Variants in JARID2 observed in about 807,000 individuals in gnomAD.
The protein encoded by JARID2 is protein Jumonji.
JARID2 carries 21 observed loss-of-function variants against 125.6 expected under a neutral mutation model. The observed-to-expected ratio is 0.17, with a 90% confidence interval of 0.12 to 0.24. JARID2 has a LOEUF of 0.24. Ranked by LOEUF, JARID2 falls within the 10% of genes least tolerant of loss-of-function variation. The probability of loss-of-function intolerance (pLI) is 1.00; values close to 1 mark genes in which losing one functional copy is unlikely to be tolerated. For missense variants in JARID2, 1,303 were observed against 1,639.6 expected (o/e 0.79, Z 3.55); for synonymous variants, 736 against 661.6 (o/e 1.11, Z -1.73).
intron 1 of JARID2, among the ~76,000 whole-genome samples, chr6:15,344,411 A>T (rs1763177471): frequency 6.6e-6 from 1 of 152,028 alleles, no homozygotes; most frequent in Non-Finnish European, 1.5e-5. Context: ...TGAAAAATGG[A>T]ATTAAAAAAC....
intron 1 of JARID2, among the ~76,000 whole-genome samples, chr6:15,265,206 T>TAAGGAATGA (rs1760035308): frequency 6.6e-6 from 1 of 152,088 alleles, no homozygotes; most frequent in African/African-American, 2.4e-5. Context: ...TGAGACCAGT[T>TAAGGAATGA]GGTTGTCCTT....
intron 1 of JARID2, among the ~76,000 whole-genome samples, chr6:15,298,819 T>G (rs562602457): frequency 6.6e-6 from 1 of 152,174 alleles, no homozygotes; most frequent in African/African-American, 2.4e-5. Context: ...AACTTTCATA[T>G]TTTTACTCTC....
intron 2 of JARID2, among the ~76,000 whole-genome samples, chr6:15,378,832 A>C (rs964928520): frequency 6.6e-6 from 1 of 152,222 alleles, no homozygotes; most frequent in African/African-American, 2.4e-5. Flanking sequence ...CATAATATTT[A>C]AAAATAACAG....
At chr6:15,509,167 C>G (rs1298953119) in intron 12 of JARID2, 1 of 1,283,546 alleles carries the variant, frequency 7.8e-7, no homozygotes, top group Admixed American at 2.3e-5. Context: ...CGCCTGTAAT[C>G]CTGACTCTCA....
At chr6:15,372,123 A>G (rs1764193670) in intron 1 of JARID2, among the ~76,000 whole-genome samples, 1 of 152,212 alleles carries the variant, frequency 6.6e-6, no homozygotes, top group African/African-American at 2.4e-5. Flanking sequence ...GTTTGTATTT[A>G]TGCAGAGTAT....
intron 1 of JARID2, among the ~76,000 whole-genome samples, chr6:15,318,092 C>T (rs540253842): frequency 6.6e-6 from 1 of 152,194 alleles, no homozygotes; most frequent in Admixed American, 6.5e-5. Flanking sequence ...TGCCTGTAGT[C>T]CCAGCTACTG....
At chr6:15,477,503 GGT>G (rs1491166760) in intron 5 of JARID2, among the ~76,000 whole-genome samples, 779 of 74,026 alleles carry the variant, frequency 0.011, 5 homozygotes, top group Non-Finnish European at 0.014. Context: ...TGGGAGTGTT[GGT>G]TTTTTTTTTT....
chr6:15,405,109 T>A (rs1344730300), intron 2 of JARID2, among the ~76,000 whole-genome samples: 1 of 152,222 alleles, frequency 6.6e-6, no homozygotes, highest in Non-Finnish European at 1.5e-5. Context: ...AATTTGTGTT[T>A]CAATTTTCCC....
Position 15,516,389 on chromosome 6 carries a change from T to C in JARID2, c.3451-772T>C, listed in dbSNP as rs557847014. 5.9e-5 allele frequency among the ~76,000 whole-genome samples: 9 copies of C among 152,352 alleles called. No homozygotes were observed. In the East Asian group the frequency reaches 1.7e-3, roughly 29 times the overall value. On this transcript the variant is annotated intron_variant, in intron 16 of 17. Coordinates refer to ENST00000341776, the MANE Select transcript of JARID2 (RefSeq NM_004973.4). ...CCCTCCGGCAGAAGCCAGGTGGCTGTTTCCTTTCATCCGGCCCCTCTCAAC... is the reference window on the plus strand; with the variant it reads ...CCCTCCGGCAGAAGCCAGGTGGCTGCTTCCTTTCATCCGGCCCCTCTCAAC...
At chr6:15,502,549 G>T (rs1242454030) in intron 8 of JARID2, among the ~76,000 whole-genome samples, 1 of 152,184 alleles carries the variant, frequency 6.6e-6, no homozygotes, top group Non-Finnish European at 1.5e-5. Context: ...CTGACTGCAG[G>T]CTCTGGCCTG....
At chr6:15,287,026 A>C (rs919647482) in intron 1 of JARID2, among the ~76,000 whole-genome samples, 1 of 152,128 alleles carries the variant, frequency 6.6e-6, no homozygotes, top group African/African-American at 2.4e-5. Flanking sequence ...GAGGCAGGAT[A>C]ATCTTGAACC....
intron 5 of JARID2, among the ~76,000 whole-genome samples, chr6:15,481,614 G>T (rs147237452): frequency 6.6e-6 from 1 of 152,204 alleles, no homozygotes; most frequent in East Asian, 1.9e-4. Context: ...GGCTCTGTCG[G>T]TGTTGCCCAG....
chr6:15,302,343 G>A (rs1459920040), intron 1 of JARID2, among the ~76,000 whole-genome samples: 3 of 152,112 alleles, frequency 2.0e-5, no homozygotes, highest in Non-Finnish European at 2.9e-5. Flanking sequence ...CTGAACCTGG[G>A]AAGCGGAGTT....
intron 3 of JARID2, among the ~76,000 whole-genome samples, chr6:15,425,228 A>C (rs1317435093): frequency 6.6e-6 from 1 of 152,210 alleles, no homozygotes; most frequent in African/African-American, 2.4e-5. Flanking sequence ...GGTGTGGCAA[A>C]GTGATTCCAT....
At chr6:15,457,262 G>A (rs1734381669) in intron 4 of JARID2, among the ~76,000 whole-genome samples, 1 of 152,168 alleles carries the variant, frequency 6.6e-6, no homozygotes, top group African/African-American at 2.4e-5. Context: ...CACTGCTAAT[G>A]ACGCATATCC....
intron 1 of JARID2, among the ~76,000 whole-genome samples, chr6:15,338,230 G>T (rs1191290442): frequency 6.6e-6 from 1 of 152,186 alleles, no homozygotes; most frequent in Non-Finnish European, 1.5e-5. Flanking sequence ...TTCGCTGAAA[G>T]AAGGAAGGGA....
chr6:15,380,664 G>C (rs3915734), intron 2 of JARID2, among the ~76,000 whole-genome samples: 139,883 of 152,228 alleles, frequency 0.92, 64,397 homozygotes, highest in African/African-American at 0.98. Flanking sequence ...GTGGGACATT[G>C]TGTAGCCAAC....
At chr6:15,412,325 G>A (rs572881823) in intron 3 of JARID2, among the ~76,000 whole-genome samples, 1 of 152,102 alleles carries the variant, frequency 6.6e-6, no homozygotes, top group South Asian at 2.1e-4. Flanking sequence ...GGGGGTTGAG[G>A]GAGACAAGAG....
At chr6:15,264,101 C>T (rs1039276741) in intron 1 of JARID2, among the ~76,000 whole-genome samples, 3 of 152,146 alleles carry the variant, frequency 2.0e-5, no homozygotes, top group African/African-American at 7.2e-5. Flanking sequence ...TGTAAGGCAA[C>T]ATAAGAGAAG....
Sources: allele counts gnomAD v4.1 joint callset (sites outside exome capture counted in the v4.1 genomes callset), GRCh38; gene constraint gnomAD v4.1.1; transcripts MANE v1.5; gene names NCBI Gene and HGNC (gene_info 2026-07-23, HGNC 2026-07-21).